Variants in RBFOX1 observed in about 807,000 individuals in gnomAD.
RBFOX1 encodes RNA binding protein fox-1 homolog 1.
Under a neutral mutation model 57.7 loss-of-function variants are expected in RBFOX1, and 8 were observed. The ratio of observed to expected loss-of-function variants is 0.14; its 90% CI spans 0.08 to 0.25. RBFOX1 has a LOEUF of 0.25. Among genes scored for constraint, RBFOX1 ranks in the 10% least tolerant of loss-of-function variants. RBFOX1 has a pLI of 1.00. For synonymous variants in RBFOX1, 326 were observed against 222.4 expected (o/e 1.47, Z -4.15); for missense variants, 611 against 548.5 (o/e 1.11, Z -1.14).
At chr16:5,924,422 C>T (rs2058899463) in intron 4 of RBFOX1, among the ~76,000 whole-genome samples, 1 of 152,148 alleles carries the variant, frequency 6.6e-6, no homozygotes, top group African/African-American at 2.4e-5. Context: ...AGATTAATGT[C>T]CTCCCTGGCA....
chr16:6,758,797 A>G (rs1344543394), intron 3 of RBFOX1, among the ~76,000 whole-genome samples: 1 of 152,202 alleles, frequency 6.6e-6, no homozygotes, highest in Non-Finnish European at 1.5e-5. Context: ...AGGGACAATC[A>G]TCTCTTAGAA....
intron 4 of RBFOX1, among the ~76,000 whole-genome samples, chr16:7,220,098 C>A (rs1200760187): frequency 6.6e-6 from 1 of 152,138 alleles, no homozygotes; most frequent in Non-Finnish European, 1.5e-5. Flanking sequence ...GTGTATCAGA[C>A]CAAACAAAAT....
intron 3 of RBFOX1, among the ~76,000 whole-genome samples, chr16:6,875,984 T>C (rs1353972522): frequency 6.6e-6 from 1 of 151,404 alleles, no homozygotes; most frequent in Non-Finnish European, 1.5e-5. Context: ...GGCAACACAG[T>C]GGAACTTGTC....
At chr16:6,524,407 G>C (rs1291596390) in intron 2 of RBFOX1, among the ~76,000 whole-genome samples, 4 of 152,174 alleles carry the variant, frequency 2.6e-5, no homozygotes, top group Non-Finnish European at 4.4e-5. Flanking sequence ...TGGGCACTTA[G>C]GTTATTTCCA....
chr16:6,681,319 A>G (rs1370233396), intron 3 of RBFOX1, among the ~76,000 whole-genome samples: 1 of 125,226 alleles, frequency 8.0e-6, no homozygotes, highest in Non-Finnish European at 1.6e-5. Context: ...GCCTGTCTGG[A>G]AAAAAAACAA....
intron 14 of RBFOX1, among the ~76,000 whole-genome samples, chr16:7,694,540 G>C (rs533722852): frequency 1.3e-5 from 2 of 152,322 alleles, no homozygotes; most frequent in South Asian, 4.1e-4. Context: ...GATGCATGCT[G>C]ACATTTTAAA....
chr16:6,715,367 T>G (rs1488368714), intron 3 of RBFOX1, among the ~76,000 whole-genome samples: 2 of 152,106 alleles, frequency 1.3e-5, no homozygotes, highest in African/African-American at 4.8e-5. Context: ...GGTGAGTGAT[T>G]TTGAATGCTG....
chr16:6,475,009 CA>C (rs1263641629), intron 2 of RBFOX1, among the ~76,000 whole-genome samples: 3 of 152,278 alleles, frequency 2.0e-5, no homozygotes, highest in African/African-American at 7.2e-5. Context: ...TGATACATTG[CA>C]AAGTGCAAAA....
At chr16:6,807,966 T>C (rs1246808558) in intron 3 of RBFOX1, among the ~76,000 whole-genome samples, 1 of 150,236 alleles carries the variant, frequency 6.7e-6, no homozygotes, top group Non-Finnish European at 1.5e-5. Flanking sequence ...TTATATATAA[T>C]ATGCGTATTG....
intron 1 of RBFOX1, among the ~76,000 whole-genome samples, chr16:5,299,843 A>G (rs1483090427): frequency 6.6e-6 from 1 of 152,064 alleles, no homozygotes; most frequent in Non-Finnish European, 1.5e-5. Context: ...ACAAGTGGGG[A>G]TAATGGGTAT....
chr16:5,526,606 T>A (rs1004287223), intron 2 of RBFOX1, among the ~76,000 whole-genome samples: 2 of 152,174 alleles, frequency 1.3e-5, no homozygotes, highest in Non-Finnish European at 2.9e-5. Flanking sequence ...CCTTTTGTGA[T>A]GCTCAGAGAG....
chr16:5,521,821 G>C (rs184620990), intron 2 of RBFOX1, among the ~76,000 whole-genome samples: 1 of 152,130 alleles, frequency 6.6e-6, no homozygotes, highest in Non-Finnish European at 1.5e-5. Flanking sequence ...CTCTCACCCC[G>C]GAAGTTCACA....
At chr16:6,571,796 G>A (rs2097348496) in intron 2 of RBFOX1, among the ~76,000 whole-genome samples, 1 of 152,166 alleles carries the variant, frequency 6.6e-6, no homozygotes, top group Non-Finnish European at 1.5e-5. Flanking sequence ...TTTTTTGAGT[G>A]AATTAATTTA....
At chr16:6,476,533 C>T (rs1243405281) in intron 2 of RBFOX1, among the ~76,000 whole-genome samples, 4 of 152,152 alleles carry the variant, frequency 2.6e-5, no homozygotes, top group African/African-American at 9.7e-5. Context: ...GACGTGCATA[C>T]CTTAATTTAA....
intron 1 of RBFOX1, among the ~76,000 whole-genome samples, chr16:5,432,153 C>G (rs982198154): frequency 6.6e-6 from 1 of 152,126 alleles, no homozygotes; most frequent in African/African-American, 2.4e-5. Flanking sequence ...AGGGAAAATC[C>G]ACCAGGATTG....
intron 2 of RBFOX1, among the ~76,000 whole-genome samples, chr16:6,433,518 C>T (rs1003740038): frequency 1.3e-5 from 2 of 152,172 alleles, no homozygotes; most frequent in African/African-American, 4.8e-5. Context: ...TCCCATTCCT[C>T]TGTATTTCAT....
intron 3 of RBFOX1, among the ~76,000 whole-genome samples, chr16:6,801,583 G>C (rs2085462942): frequency 6.6e-6 from 1 of 152,054 alleles, no homozygotes; most frequent in African/African-American, 2.4e-5. Context: ...AATTGGGGTG[G>C]AGGTTGGGGA....
rs372412356 is a variant in RBFOX1, at chr16:6,066,293, C to CAAAAAAAAAAAAAAAAAAAAA, written c.-127+46308_-127+46328dup. Among the ~76,000 whole-genome samples the CAAAAAAAAAAAAAAAAAAAAA allele has an allele frequency of 2.0e-4, 10 of 50,400 alleles. 1 individual carries two copies. The highest frequency in any genetic ancestry group is 2.3e-4 in the Non-Finnish European group (8 of 34,502). 33.1% of individuals were successfully genotyped at this position (50,400 alleles called of 152,430 possible). A position where few individuals can be genotyped will look rare whatever the true frequency, so the allele number is the denominator to read the frequency against. On this transcript the variant is annotated intron_variant, in intron 1 of 15. Transcript: ENST00000550418. ...CTGACTACAGAGCAAGACTCTGTCT[C>CAAAAAAAAAAAAAAAAAAAAA]AAAAAAAAAAAAAAAAAAAAAAAAA...
At chr16:5,649,693 C>G (rs147055574) in intron 3 of RBFOX1, among the ~76,000 whole-genome samples, 1 of 152,184 alleles carries the variant, frequency 6.6e-6, no homozygotes, top group Non-Finnish European at 1.5e-5. Context: ...GCAATATCCA[C>G]GCACAAAGTA....
Sources: gnomAD v4.1 joint callset for allele counts (sites outside exome capture counted in the v4.1 genomes callset) on GRCh38, gnomAD v4.1.1 for gene constraint, MANE v1.5 for transcripts, NCBI Gene and HGNC (gene_info 2026-07-23, HGNC 2026-07-21) for gene names.